The following ZNF532 variants were observed in gnomAD, a reference collection of about 807,000 sequenced individuals.
ZNF532 encodes the protein zinc finger protein 532.
Under a neutral mutation model 89.3 loss-of-function variants are expected in ZNF532, and 22 were observed. The ratio of observed to expected loss-of-function variants is 0.25; its 90% CI spans 0.18 to 0.35. The LOEUF (loss-of-function observed/expected upper bound fraction) is 0.35. Among genes scored for constraint, ZNF532 ranks in the 10% least tolerant of loss-of-function variants. ZNF532 has a pLI of 1.00. For missense variants in ZNF532, 1,132 were observed against 1,643.4 expected (o/e 0.69, Z 5.38); for synonymous variants, 606 against 649.6 (o/e 0.93, Z 1.02).
At chr18:58,882,732 C>T (rs2058022025) in intron 2 of ZNF532, among the ~76,000 whole-genome samples, 2 of 152,210 alleles carry the variant, frequency 1.3e-5, no homozygotes, top group African/African-American at 2.4e-5. Flanking sequence ...AGGTGTGAGA[C>T]ACCATCCCCA....
intron 2 of ZNF532, among the ~76,000 whole-genome samples, chr18:58,911,953 G>A (rs1360654059): frequency 6.6e-6 from 1 of 152,150 alleles, no homozygotes; most frequent in Non-Finnish European, 1.5e-5. Flanking sequence ...GGGAGGTTGA[G>A]CTTTCAGAGA....
At chr18:58,952,857 T>C (rs1218262351) in intron 6 of ZNF532, among the ~76,000 whole-genome samples, 1 of 131,508 alleles carries the variant, frequency 7.6e-6, no homozygotes, top group African/African-American at 3.8e-5. Context: ...ATTATGTTAA[T>C]GATGATAGTT....
chr18:58,868,970 A>G (rs1043779849), intron 2 of ZNF532, among the ~76,000 whole-genome samples: 9 of 152,230 alleles, frequency 5.9e-5, no homozygotes, highest in African/African-American at 1.9e-4. Flanking sequence ...TTGTAAACCT[A>G]TACAGCATCT....
intron 2 of ZNF532, among the ~76,000 whole-genome samples, chr18:58,896,945 G>T (rs1476180935): frequency 6.6e-6 from 1 of 152,230 alleles, no homozygotes; most frequent in East Asian, 1.9e-4. Flanking sequence ...AGGCAGCCCA[G>T]CGAGGTAGAG....
chr18:58,916,777 A>G (rs569970192), intron 2 of ZNF532: 2 of 977,172 alleles, frequency 2.0e-6, no homozygotes, highest in South Asian at 9.5e-5. Flanking sequence ...TTTGTGGTGT[A>G]TATGAGTTTT....
chr18:58,890,213 C>T (rs1390842985), intron 2 of ZNF532, among the ~76,000 whole-genome samples: 2 of 151,970 alleles, frequency 1.3e-5, no homozygotes, highest in Non-Finnish European at 2.9e-5. Flanking sequence ...TGACACTGCA[C>T]TCCAGCCTGG....
At chr18:58,944,051 C>G (rs1472062005) in intron 5 of ZNF532, among the ~76,000 whole-genome samples, 3 of 152,138 alleles carry the variant, frequency 2.0e-5, no homozygotes, top group Non-Finnish European at 1.5e-5. Flanking sequence ...AGCAGATTAT[C>G]TAGTCTGCTA....
chr18:58,879,397 T>G (rs893239378), intron 2 of ZNF532, among the ~76,000 whole-genome samples: 1 of 152,240 alleles, frequency 6.6e-6, no homozygotes, highest in African/African-American at 2.4e-5. Flanking sequence ...AAGTGGCGAC[T>G]GCCTTTTTCA....
chr18:58,979,402 T>TC (rs142378930), intron 8 of ZNF532: 8,483 of 251,836 alleles, frequency 0.034, 164 homozygotes, highest in African/African-American at 0.051. Flanking sequence ...GTTTTTTTTT[T>TC]CCCGAGACGG....
rs888286397 is a variant in ZNF532, at chr18:58,865,129, C to T, written c.-384C>T. 2.6e-5 allele frequency: 4 copies of T among 151,302 alleles called. No individual in the cohort carries two copies. The highest frequency in any genetic ancestry group is 9.7e-5 in the African/African-American group (4 of 41,120). 9.4% of individuals were successfully genotyped at this position (151,302 alleles called of 1,614,324 possible). A position where few individuals can be genotyped will look rare whatever the true frequency, so the allele number is the denominator to read the frequency against. ...TGGACAAGGAGCTGAGATTTATGAC[C>T]CTTATTAGAGAAAAAAATGTGCCTT... On this transcript the variant is annotated 5_prime_UTR_variant, in exon 1 of 10. Coordinates refer to ENST00000591808, the MANE Select transcript of ZNF532 (RefSeq NM_001375912.1).
chr18:58,918,847 C>T lies in ZNF532; in HGVS notation c.560C>T (p.Thr187Ile). The change falls in exon 3 of 10, where the codon ACT becomes ATT. Residue 187 changes from threonine to isoleucine, a missense_variant. Thr to Ile is a moderately conservative substitution (Grantham distance 89). Coordinates refer to ENST00000591808, the MANE Select transcript of ZNF532 (RefSeq NM_001375912.1). ...CTCGGAGGGGAAAACTCCAGCAAAA[C>T]TGGACTCTCTACGTCAGGCAATGTG... is the stretch of plus-strand genomic sequence containing the variant. ...KALGGENSSK[T>I]GLSTSGNVEK... is the part of the protein sequence containing the mutation. 6.2e-7 allele frequency: 1 copy of T among 1,614,168 alleles called. No homozygotes were observed.
intron 3 of ZNF532, 60 bp from the exon 4 acceptor site, chr18:58,934,373 C>A: frequency 6.8e-7 from 1 of 1,475,468 alleles, no homozygotes; most frequent in Non-Finnish European, 9.3e-7. Flanking sequence ...AACCAAGGTT[C>A]TTTGCATATT....
At chr18:58,953,411 A>AAT in intron 6 of ZNF532, 107 bp from the exon 7 acceptor site, 1 of 894,008 alleles carries the variant, frequency 1.1e-6, no homozygotes, top group Non-Finnish European at 1.7e-6. Flanking sequence ...TTTCTGAATG[A>AAT]ATATAAACTG....
chr18:58,892,721 G>A (rs2058984085), intron 2 of ZNF532, among the ~76,000 whole-genome samples: 1 of 152,270 alleles, frequency 6.6e-6, no homozygotes, highest in Non-Finnish European at 1.5e-5. Context: ...CAATGTTCGT[G>A]TAGAGATTTT....
rs756921719 is a variant in ZNF532, at chr18:58,962,224, T to TAA, written c.3150+8438_3150+8439dup. Among the ~76,000 whole-genome samples the TAA allele has an allele frequency of 2.8e-3, 397 of 139,600 alleles. 3 individuals carry two copies. The highest frequency in any genetic ancestry group is 4.1e-3 in the Non-Finnish European group (262 of 63,460). 91.6% of individuals were successfully genotyped at this position (139,600 alleles called of 152,430 possible). ...CTGGATGACAGAGCGAGACTCTGTC[T>TAA]AAAAAAAAAAAAAATGGATTCTAGG... On this transcript the variant is annotated intron_variant, in intron 7 of 9. Coordinates refer to ENST00000591808, the MANE Select transcript of ZNF532 (RefSeq NM_001375912.1).
At chr18:58,970,109 C>G (rs1303274270) in intron 7 of ZNF532, among the ~76,000 whole-genome samples, 1 of 152,138 alleles carries the variant, frequency 6.6e-6, no homozygotes, top group African/African-American at 2.4e-5. Flanking sequence ...TGGTCTCAAA[C>G]TCCTGACCTC....
chr18:58,962,702 A>G (rs1026188075), intron 7 of ZNF532, among the ~76,000 whole-genome samples: 3 of 151,854 alleles, frequency 2.0e-5, no homozygotes, highest in Admixed American at 6.6e-5. Flanking sequence ...CCTGGGTTCA[A>G]GCGATTCTCC....
chr18:58,979,611 C>G (rs1203404177), intron 8 of ZNF532: 1 of 153,294 alleles, frequency 6.5e-6, no homozygotes, highest in African/African-American at 2.4e-5. Context: ...TGGTCTCAAA[C>G]TCCTGACCTT....
intron 3 of ZNF532, chr18:58,926,220 G>A (rs1471776821): frequency 6.6e-6 from 1 of 152,056 alleles, no homozygotes; most frequent in Non-Finnish European, 1.5e-5. Context: ...CATGAACATG[G>A]GCATAGATTC....
Sources: allele counts gnomAD v4.1 joint callset (sites outside exome capture counted in the v4.1 genomes callset), GRCh38; gene constraint gnomAD v4.1.1; transcripts MANE v1.5; gene names NCBI Gene and HGNC (gene_info 2026-07-23, HGNC 2026-07-21).